Variants in ARHGEF17 observed in about 807,000 individuals in gnomAD.
ARHGEF17 encodes 164 kDa Rho-specific guanine-nucleotide exchange factor.
ARHGEF17 carries 80 observed loss-of-function variants against 174.0 expected under a neutral mutation model. That is an observed-to-expected ratio of 0.46 (90% confidence interval 0.38 to 0.55). The LOEUF (loss-of-function observed/expected upper bound fraction) is 0.55, where lower values mean the gene tolerates loss of function less well. ARHGEF17 is among the 20% of genes least tolerant of loss of function. The probability of loss-of-function intolerance (pLI) is 0.00; values close to 1 mark genes in which losing one functional copy is unlikely to be tolerated. For synonymous variants in ARHGEF17, 1,311 were observed against 1,189.1 expected (o/e 1.10, Z -2.11); for missense variants, 2,886 against 2,839.7 (o/e 1.02, Z -0.37).
Position 73,343,160 on chromosome 11 carries a change from G to T in ARHGEF17, c.3193-3723G>T, listed in dbSNP as rs1865401803. 4 of 383,746 alleles carry T rather than the reference G, an allele frequency of 1.0e-5. No homozygotes were observed. The East Asian group carries it at 1.5e-4, about 14-fold the overall frequency. The allele number at this position is 383,746 out of a possible 1,614,324, so 23.8% of individuals were successfully genotyped here. ...CCGGCCGCATGCTGCAGATGGTGAA[G>T]ACCCTGGCCCAGTTCACCATCGCGC... On this transcript the variant is annotated intron_variant, in intron 1 of 20. Coordinates refer to ENST00000263674, the MANE Select transcript of ARHGEF17 (RefSeq NM_014786.4).
intron 1 of ARHGEF17, among the ~76,000 whole-genome samples, chr11:73,320,358 G>A (rs564415708): frequency 6.6e-5 from 10 of 151,920 alleles, no homozygotes; most frequent in African/African-American, 1.2e-4. Context: ...TTTTTCGGCC[G>A]GGCGCTGTGT....
rs1865646707 is a variant in ARHGEF17 at position 73,356,648 on chromosome 11, T to G, written c.3841-61T>G. The stretch of plus-strand genomic sequence containing the variant: ...GTGGGGCCGAGGGATCACTGGGATT[T>G]TTGGAGGGGATAGGGATTAATAACT... On this transcript the variant is annotated intron_variant, in intron 6 of 20. Coordinates refer to ENST00000263674, the MANE Select transcript of ARHGEF17 (RefSeq NM_014786.4). 2.5e-6 allele frequency: 4 copies of G among 1,601,886 alleles called. No individual in the cohort carries two copies. The East Asian group carries it at 9.0e-5, about 36-fold the overall frequency.
intron 16 of ARHGEF17, 117 bp downstream of exon 16, chr11:73,363,950 C>T: frequency 8.1e-7 from 1 of 1,232,362 alleles, no homozygotes; most frequent in Non-Finnish European, 1.2e-6. Context: ...AGGCTGGAAG[C>T]CAGAGGCCTG....
At chr11:73,343,295 G>A (rs1865405179) in intron 1 of ARHGEF17, 2 of 397,920 alleles carry the variant, frequency 5.0e-6, no homozygotes, top group African/African-American at 2.1e-5. Context: ...GAGGGGGAGG[G>A]GCAGCCAGGG....
At chr11:73,347,052 G>C in intron 2 of ARHGEF17, 92 bp downstream of exon 2, 1 of 1,259,078 alleles carries the variant, frequency 7.9e-7, no homozygotes, top group South Asian at 1.3e-5. Context: ...ATGGACAAGG[G>C]ACTGAGGCCA....
rs568515714 is a variant in ARHGEF17 at position 73,356,274 on chromosome 11, G to A, written c.3763G>A (p.Val1255Met). The A allele has an allele frequency of 6.2e-6, 10 of 1,613,844 alleles. No homozygotes were observed. The African/African-American group carries it at 1.3e-4, about 22-fold the overall frequency. Reference sequence around the variant, plus strand: ...GGTGGCTGAGCGCATCAACAAGGGTGTGCGGAGTGCCGAGGAGGCGGAGCG... The same window carrying A: ...GGTGGCTGAGCGCATCAACAAGGGTATGCGGAGTGCCGAGGAGGCGGAGCG... ...KQVAERINKG[V>M]RSAEEAERHA... The change falls in exon 6 of 21, where the codon GTG (valine) becomes ATG (methionine). Residue 1255 changes from valine to methionine, a missense_variant. By Grantham distance (21) the Val-to-Met change is conservative. Coordinates refer to ENST00000263674, the MANE Select transcript of ARHGEF17 (RefSeq NM_014786.4).
intron 1 of ARHGEF17, among the ~76,000 whole-genome samples, chr11:73,323,875 C>T (rs1051212255): frequency 7.2e-5 from 11 of 152,206 alleles, no homozygotes; most frequent in African/African-American, 2.2e-4. Context: ...GTCCCCTGGG[C>T]ATCTGTGTCT....
intron 1 of ARHGEF17, among the ~76,000 whole-genome samples, chr11:73,327,628 CAGAG>C (rs1276228750): frequency 2.0e-5 from 3 of 152,170 alleles, no homozygotes; most frequent in African/African-American, 7.2e-5. Flanking sequence ...CCACACCTGG[CAGAG>C]AGACCAGCAT....
intron 2 of ARHGEF17, among the ~76,000 whole-genome samples, chr11:73,351,996 A>G (rs1865562526): frequency 6.6e-6 from 1 of 152,212 alleles, no homozygotes; most frequent in African/African-American, 2.4e-5. Flanking sequence ...TTGGTAGCAT[A>G]TCATAATTTA....
chr11:73,365,862 C>G lies in ARHGEF17; in HGVS notation c.5910C>G (p.Thr1970=). ...LSPTGLGQGH[T]GHVRFLAAVQ... ...CCACAGGCCTCGGCCAGGGACACACCGGCCACGTCCGCTTCTTGGCTGCAG... is the reference window on the plus strand; with the variant it reads ...CCACAGGCCTCGGCCAGGGACACACGGGCCACGTCCGCTTCTTGGCTGCAG... The change falls in exon 20 of 21, where the codon ACC becomes ACG. Residue 1970 remains threonine (T), a synonymous_variant. Coordinates refer to ENST00000263674, the MANE Select transcript of ARHGEF17 (RefSeq NM_014786.4). This position sits in a 1 kb window ranked among gnomAD's most constrained non-coding sequence, Gnocchi z 4.9. 2 of 1,612,060 alleles carry G rather than the reference C, an allele frequency of 1.2e-6. No individual in the cohort carries two copies. Among genetic ancestry groups the G allele is most frequent in the Non-Finnish European group, 8.5e-7 (1 of 1,180,028 alleles).
intron 1 of ARHGEF17, among the ~76,000 whole-genome samples, chr11:73,323,433 A>G (rs1216406226): frequency 6.6e-6 from 1 of 152,234 alleles, no homozygotes; most frequent in Admixed American, 6.5e-5. Flanking sequence ...TCCTGTAGTC[A>G]GAGACAAAGA....
intron 13 of ARHGEF17, 50 bp downstream of exon 13, chr11:73,362,289 A>G: frequency 6.8e-7 from 1 of 1,464,146 alleles, no homozygotes; most frequent in Non-Finnish European, 9.0e-7. Flanking sequence ...GGGAGAACCA[A>G]CCCCTGTCCC....
Position 73,311,208 on chromosome 11 carries a change from T to A in ARHGEF17, c.2570T>A (p.Leu857Gln), listed in dbSNP as rs1228037032. The A allele has an allele frequency of 1.5e-5, 24 of 1,601,422 alleles. No individual in the cohort carries two copies. Among genetic ancestry groups the A allele is most frequent in the Non-Finnish European group, 2.0e-5 (24 of 1,171,506 alleles). The change falls in exon 1 of 21, where the codon CTG (leucine) becomes CAG (glutamine). Residue 857 changes from leucine (L) to glutamine (Q), a missense_variant. This residue lies in a region of ARHGEF17 where 1,728 missense variants were observed against 1,461.2 expected (regional missense o/e 1.18). Transcript: ENST00000263674. The part of the protein sequence containing the change: ...GEPIREVEPM[L>Q]PPSSSEPILV... ...CCCATCCGAGAAGTTGAGCCCATGCTGCCTCCATCCAGCAGCGAGCCCATC... is the reference window on the plus strand; with the variant it reads ...CCCATCCGAGAAGTTGAGCCCATGCAGCCTCCATCCAGCAGCGAGCCCATC...
chr11:73,309,952 A>C lies in ARHGEF17; in HGVS notation c.1314A>C (p.Gly438=). The C allele has an allele frequency of 6.2e-7, 1 of 1,613,744 alleles. No homozygotes were observed. The highest frequency in any genetic ancestry group is 8.5e-7 in the Non-Finnish European group (1 of 1,179,966). ...CCCAGGCTCGAACCCGTGCCAAAGGACCTGGAGGCACCTCTAGGGCATTGA... is the reference window on the plus strand; with the variant it reads ...CCCAGGCTCGAACCCGTGCCAAAGGCCCTGGAGGCACCTCTAGGGCATTGA... ...LRSQARTRAK[G]PGGTSRALRD... The change falls in exon 1 of 21, where the codon GGA becomes GGC. Residue 438 remains glycine (G), a synonymous_variant. Transcript: ENST00000263674.
At chr11:73,320,222 C>A (rs1565189748) in intron 1 of ARHGEF17, among the ~76,000 whole-genome samples, 1 of 152,076 alleles carries the variant, frequency 6.6e-6, no homozygotes, top group Non-Finnish European at 1.5e-5. Context: ...GGGTGCTGTC[C>A]AGAATGCTGT....
Position 73,356,733 on chromosome 11 carries a change from C to T in ARHGEF17, c.3865C>T (p.Leu1289=). 1 of 1,614,194 alleles carries T rather than the reference C, an allele frequency of 6.2e-7. No homozygotes were observed. The highest frequency in any genetic ancestry group is 8.5e-7 in the Non-Finnish European group (1 of 1,180,036). ...EDLQAPLRRF[L]RQEMVIEVKA... ...GCTCCAGGCCCCTCTGCGGCGGTTC[C>T]TGAGACAGGAGATGGTCATTGAAGT... is the stretch of plus-strand genomic sequence containing the variant. The change falls in exon 7 of 21, where the codon CTG becomes TTG. Residue 1289 remains leucine, a synonymous_variant. Coordinates refer to ENST00000263674, the MANE Select transcript of ARHGEF17 (RefSeq NM_014786.4).
chr11:73,339,607 T>G (rs1242965555), intron 1 of ARHGEF17, among the ~76,000 whole-genome samples: 1 of 152,094 alleles, frequency 6.6e-6, no homozygotes, highest in Non-Finnish European at 1.5e-5. Flanking sequence ...GACTGGGTGG[T>G]GTGTCCAGAG....
intron 3 of ARHGEF17, among the ~76,000 whole-genome samples, chr11:73,353,652 A>G (rs1865591647): frequency 6.6e-6 from 1 of 152,050 alleles, no homozygotes; most frequent in Admixed American, 6.6e-5. Context: ...CAACTCCAGA[A>G]AGCCTGGTTC....
In ARHGEF17 at chr11:73,310,174, C is replaced by T. The variant is rs1355631551; in HGVS notation, c.1536C>T (p.Gly512=). 3 of 1,613,854 alleles carry T rather than the reference C, an allele frequency of 1.9e-6. No individual in the cohort carries two copies. The highest frequency in any genetic ancestry group is 1.1e-5 in the South Asian group (1 of 91,078). ...LDGRDSPSAG[G]PVGQLEPIPI... ...GCAGAGACTCACCATCCGCAGGTGG[C>T]CCTGTGGGGCAACTTGAACCCATAC... is the stretch of plus-strand genomic sequence containing the variant. Residue 512 remains glycine (G), a synonymous_variant, in exon 1 of 21, where the codon GGC becomes GGT. Transcript: ENST00000263674.
Sources: allele counts gnomAD v4.1 joint callset (sites outside exome capture counted in the v4.1 genomes callset), GRCh38; gene constraint gnomAD v4.1.1; regional missense constraint gnomAD v4.1.1; non-coding constraint Gnocchi (gnomAD v3.1); transcripts MANE v1.5; gene names NCBI Gene and HGNC (gene_info 2026-07-23, HGNC 2026-07-21).